The following STK3 variants were observed in gnomAD, a reference collection of about 807,000 sequenced individuals.
STK3 encodes serine/threonine kinase 3, also known as serine/threonine-protein kinase 3.
STK3 carries 41 observed loss-of-function variants against 58.0 expected under a neutral mutation model. The ratio of observed to expected loss-of-function variants is 0.71; its 90% CI spans 0.55 to 0.92. STK3 has a LOEUF of 0.92. STK3 is among the 40% of genes least tolerant of loss of function. The probability of loss-of-function intolerance (pLI) is 0.00; values close to 1 mark genes in which losing one functional copy is unlikely to be tolerated. For missense variants in STK3, 479 were observed against 602.7 expected (o/e 0.79, Z 2.15); for synonymous variants, 170 against 191.0 (o/e 0.89, Z 0.91).
At chr8:98,577,900 G>A (rs1272123569) in intron 8 of STK3, among the ~76,000 whole-genome samples, 3 of 151,970 alleles carry the variant, frequency 2.0e-5, no homozygotes, top group Non-Finnish European at 2.9e-5. Flanking sequence ...TTCAAGTACC[G>A]GGTATAGCAC....
intron 6 of STK3, among the ~76,000 whole-genome samples, chr8:98,600,003 A>G (rs1193646601): frequency 6.6e-6 from 1 of 152,208 alleles, no homozygotes; most frequent in Non-Finnish European, 1.5e-5. Context: ...AATTTTTATC[A>G]CCATTCCCTC....
intron 6 of STK3, among the ~76,000 whole-genome samples, chr8:98,617,825 T>G (rs1360419176): frequency 6.6e-6 from 1 of 151,906 alleles, no homozygotes; most frequent in Non-Finnish European, 1.5e-5. Context: ...TAATCAATAG[T>G]TTACCAACGA....
Position 98,767,296 on chromosome 8 carries a change from T to C in STK3, c.183A>G (p.Glu61=). The C allele has an allele frequency of 6.2e-7, 1 of 1,612,552 alleles. No individual in the cohort carries two copies. The highest frequency in any genetic ancestry group is 2.2e-5 in the East Asian group (1 of 44,802). ...CTTTGATTATTTCCTGAAGATCTGATTCAACAGGTACTTGTTTAATTGCGA... is the reference window on the plus strand; with the variant it reads ...CTTTGATTATTTCCTGAAGATCTGACTCAACAGGTACTTGTTTAATTGCGA... ...QVVAIKQVPV[E]SDLQEIIKEI... is the part of the protein sequence containing the mutation. Residue 61 remains glutamate (E), a synonymous_variant, in exon 3 of 11, where the codon GAA becomes GAG. Coordinates refer to ENST00000419617, the MANE Select transcript of STK3 (RefSeq NM_006281.4).
At chr8:98,583,771 A>C (rs1399929107) in intron 7 of STK3, among the ~76,000 whole-genome samples, 2 of 152,094 alleles carry the variant, frequency 1.3e-5, no homozygotes, top group African/African-American at 4.8e-5. Context: ...TGAAATTCAT[A>C]GTCTATATTA....
chr8:98,479,974 C>T (rs1395862647), intron 10 of STK3, among the ~76,000 whole-genome samples: 2 of 151,882 alleles, frequency 1.3e-5, no homozygotes, highest in Admixed American at 1.3e-4. Flanking sequence ...ACTGGATAGG[C>T]TTAATAGCAG....
chr8:98,561,046 G>T (rs1811974709), intron 8 of STK3, among the ~76,000 whole-genome samples: 1 of 151,884 alleles, frequency 6.6e-6, no homozygotes, highest in African/African-American at 2.4e-5. Flanking sequence ...AAAAAGAAAA[G>T]AAAAGGAAAA....
chr8:98,705,010 T>G (rs1825869448), intron 6 of STK3, among the ~76,000 whole-genome samples: 1 of 152,240 alleles, frequency 6.6e-6, no homozygotes, highest in Non-Finnish European at 1.5e-5. Context: ...GTGTTCCTGT[T>G]TTTATGCTGA....
chr8:98,829,357 A>G (rs532499735), upstream of STK3, among the ~76,000 whole-genome samples: 12 of 152,246 alleles, frequency 7.9e-5, no homozygotes, highest in South Asian at 1.9e-3. Flanking sequence ...ACTCTTTTCA[A>G]TTGACACTAA....
Position 98,579,834 on chromosome 8 carries a change from G to A in STK3, c.823-45C>T, listed in dbSNP as rs777887583. On this transcript the variant is annotated intron_variant, in intron 7 of 10. Coordinates refer to ENST00000419617, the MANE Select transcript of STK3 (RefSeq NM_006281.4). ...TGGTATAAATTCAAAAGATTTTTCC[G>A]AATTATAGCTAACAAATGTTAAAAC... 3.3e-5 allele frequency: 50 copies of A among 1,496,652 alleles called. 1 individual carries two copies. The East Asian group carries it at 4.6e-4, about 14-fold the overall frequency. The allele number at this position is 1,496,652 out of a possible 1,614,324, so 92.7% of individuals were successfully genotyped here.
chr8:98,508,639 T>G (rs1824270307), intron 10 of STK3, among the ~76,000 whole-genome samples: 1 of 152,198 alleles, frequency 6.6e-6, no homozygotes, highest in South Asian at 2.1e-4. Context: ...GGTGTGTGAA[T>G]TATATCTCAA....
At chr8:98,878,903 T>C (rs916885420), downstream of STK3, 231 of 147,092 alleles carry the variant, frequency 1.6e-3, 2 homozygotes, top group Non-Finnish European at 2.5e-3. Flanking sequence ...TTCTTTTTTT[T>C]TTTTTTTTTT....
intron 4 of STK3, among the ~76,000 whole-genome samples, chr8:98,745,950 G>A (rs1014157960): frequency 2.6e-5 from 4 of 152,218 alleles, no homozygotes; most frequent in East Asian, 1.9e-4. Context: ...GCATGTTACC[G>A]TACAGAATGC....
At chr8:98,872,708 C>T (rs896497952) in intron 3 of STK3, among the ~76,000 whole-genome samples, 4 of 152,006 alleles carry the variant, frequency 2.6e-5, no homozygotes, top group Non-Finnish European at 5.9e-5. Flanking sequence ...TTTTTTATTG[C>T]GTCTATCTGA....
intron 2 of STK3, among the ~76,000 whole-genome samples, chr8:98,378,860 G>C (rs552797574): frequency 2.0e-5 from 3 of 152,270 alleles, no homozygotes; most frequent in Admixed American, 2.0e-4. Context: ...CTCTTCACCA[G>C]ATGGGCTTTG....
At chr8:98,823,388 G>A (rs1191003571) in intron 1 of STK3, among the ~76,000 whole-genome samples, 3 of 152,148 alleles carry the variant, frequency 2.0e-5, no homozygotes, top group Non-Finnish European at 2.9e-5. Flanking sequence ...GAGACCAGGA[G>A]ATTACAGAAA....
intron 1 of STK3, among the ~76,000 whole-genome samples, chr8:98,898,307 C>T (rs945045928): frequency 1.3e-5 from 2 of 152,210 alleles, no homozygotes; most frequent in African/African-American, 2.4e-5. Context: ...CTCTGTCGGT[C>T]GGGTAGAGTT....
chr8:98,633,432 G>A, intron 6 of STK3: 4 of 502,366 alleles, frequency 8.0e-6, no homozygotes, highest in Non-Finnish European at 1.5e-5. Context: ...TTAGAGAGGA[G>A]ATTGAGACTG....
chr8:98,593,794 T>C (rs1815549819), intron 7 of STK3, among the ~76,000 whole-genome samples: 1 of 152,088 alleles, frequency 6.6e-6, no homozygotes, highest in South Asian at 2.1e-4. Flanking sequence ...ATTTAAATCA[T>C]AACAGATAAG....
intron 1 of STK3, among the ~76,000 whole-genome samples, chr8:98,937,566 G>C (rs1201893836): frequency 1.3e-5 from 2 of 152,158 alleles, no homozygotes; most frequent in African/African-American, 4.8e-5. Context: ...CACCTTCCTT[G>C]TCCTCACTTC....
Sources: allele counts gnomAD v4.1 joint callset (sites outside exome capture counted in the v4.1 genomes callset), GRCh38; gene constraint gnomAD v4.1.1; transcripts MANE v1.5; gene names NCBI Gene and HGNC (gene_info 2026-07-23, HGNC 2026-07-21).